GPHN: variants seen among roughly 807,000 people sequenced by gnomAD.
GPHN encodes gephyrin.
Under a neutral mutation model 95.5 loss-of-function variants are expected in GPHN, and 17 were observed. The ratio of observed to expected loss-of-function variants is 0.18; its 90% CI spans 0.12 to 0.27. GPHN has a LOEUF of 0.27. Among genes scored for constraint, GPHN ranks in the 10% least tolerant of loss-of-function variants. GPHN has a pLI of 1.00. For synonymous variants in GPHN, 320 were observed against 322.5 expected (o/e 0.99, Z 0.08); for missense variants, 660 against 978.1 (o/e 0.67, Z 4.34).
At chr14:67,050,367 T>C (rs887533082) in intron 10 of GPHN, among the ~76,000 whole-genome samples, 3 of 152,188 alleles carry the variant, frequency 2.0e-5, no homozygotes, top group Non-Finnish European at 4.4e-5. Flanking sequence ...TGGACTTTGT[T>C]TGAAAGATTT....
At chr14:67,479,883 C>T in the GPHN span, among the ~76,000 whole-genome samples, 940 of 152,156 alleles carry the variant, frequency 6.2e-3, 8 homozygotes, top group African/African-American at 0.022. Context: ...AACAACAAAC[C>T]ATGCCTCACA....
intron 5 of GPHN, among the ~76,000 whole-genome samples, chr14:66,898,670 T>G (rs2064986076): frequency 2.0e-5 from 3 of 151,898 alleles, no homozygotes; most frequent in Non-Finnish European, 2.9e-5. Context: ...ATAGACAGAT[T>G]CCTCCCACTT....
intron 14 of GPHN, among the ~76,000 whole-genome samples, 158 bp from the exon 15 acceptor site, chr14:67,111,703 G>T (rs1184145905): frequency 2.0e-5 from 3 of 152,102 alleles, no homozygotes; most frequent in Non-Finnish European, 4.4e-5. Context: ...AGGAACCTGT[G>T]TTAGAAATTC....
the GPHN span, chr14:67,572,023 C>A: frequency 6.8e-7 from 1 of 1,476,400 alleles, no homozygotes; most frequent in Admixed American, 2.1e-5. Flanking sequence ...GCAGCTCCAC[C>A]CCCAGCCCCA....
intron 5 of GPHN, among the ~76,000 whole-genome samples, chr14:66,909,652 GA>G (rs1230317528): frequency 1.3e-5 from 2 of 151,848 alleles, no homozygotes; most frequent in Non-Finnish European, 2.9e-5. Context: ...GCAATGATTC[GA>G]AGGGAACTTC....
At chr14:67,699,446 G>A in the GPHN span, among the ~76,000 whole-genome samples, 5 of 151,572 alleles carry the variant, frequency 3.3e-5, no homozygotes, top group East Asian at 1.9e-4. Context: ...AATAAAATAG[G>A]CAGTGTACTG....
chr14:67,247,403 G>T, the GPHN span, among the ~76,000 whole-genome samples: 1 of 152,066 alleles, frequency 6.6e-6, no homozygotes, highest in African/African-American at 2.4e-5. Flanking sequence ...AGCTCTAGGA[G>T]CTTTTTTATT....
the GPHN span, chr14:67,691,339 C>A: frequency 2.6e-6 from 2 of 762,576 alleles, no homozygotes; most frequent in Non-Finnish European, 4.5e-6. Context: ...AATGAGGATG[C>A]AGGACTTCAA....
intron 20 of GPHN, among the ~76,000 whole-genome samples, chr14:67,167,383 T>C (rs2082341350): frequency 1.3e-5 from 2 of 151,588 alleles, no homozygotes; most frequent in African/African-American, 4.8e-5. Context: ...TGGGGTTTTT[T>C]TGCTTTTCCA....
At chr14:66,987,574 A>G (rs929708306) in intron 9 of GPHN, among the ~76,000 whole-genome samples, 3 of 152,096 alleles carry the variant, frequency 2.0e-5, no homozygotes, top group Non-Finnish European at 2.9e-5. Context: ...TGAATCAAAA[A>G]GTGTGTTTGG....
At chr14:67,260,839 C>T in the GPHN span, among the ~76,000 whole-genome samples, 5 of 151,978 alleles carry the variant, frequency 3.3e-5, no homozygotes, top group Non-Finnish European at 5.9e-5. Context: ...TTGCAGGGCT[C>T]ATATGGGAAA....
chr14:67,720,714 G>A, the GPHN span: 1 of 152,130 alleles, frequency 6.6e-6, no homozygotes, highest in African/African-American at 2.4e-5. Context: ...GTATGGTTTA[G>A]CATTTTGGTA....
At chr14:67,508,763 A>AAAAAAAAAAAAAAAAAAAAC in the GPHN span, among the ~76,000 whole-genome samples, 1 of 150,536 alleles carries the variant, frequency 6.6e-6, no homozygotes, top group East Asian at 1.9e-4. Context: ...CAAAAAAAAA[A>AAAAAAAAAAAAAAAAAAAAC]AAAAAAAACA....
intron 1 of GPHN, among the ~76,000 whole-genome samples, chr14:66,562,508 C>CAA (rs2060300680): frequency 6.6e-6 from 1 of 151,958 alleles, no homozygotes; most frequent in Non-Finnish European, 1.5e-5. Flanking sequence ...GAAAATGAAA[C>CAA]AAATTTATTA....
the GPHN span, among the ~76,000 whole-genome samples, chr14:67,666,475 T>C: frequency 2.6e-5 from 4 of 152,222 alleles, no homozygotes; most frequent in African/African-American, 9.7e-5. Context: ...ATTTATGAGA[T>C]CCTTTCTGGA....
chr14:66,668,889 T>C (rs1332315555), intron 1 of GPHN, among the ~76,000 whole-genome samples: 3 of 151,780 alleles, frequency 2.0e-5, no homozygotes, highest in Non-Finnish European at 4.4e-5. Flanking sequence ...TTTTTTTTTT[T>C]TCTTTTTTTG....
the GPHN span, chr14:67,541,920 GC>G: frequency 1.2e-6 from 2 of 1,605,708 alleles, no homozygotes; most frequent in Non-Finnish European, 1.7e-6. Flanking sequence ...CAGAAACGCT[GC>G]CTGACCCTGG....
At chr14:66,686,084 C>G (rs1470833596) in intron 2 of GPHN, among the ~76,000 whole-genome samples, 3 of 152,162 alleles carry the variant, frequency 2.0e-5, no homozygotes, top group African/African-American at 7.2e-5. Flanking sequence ...TCTGAGGGCT[C>G]TGTTCTGTTC....
chr14:67,356,038 TGTATAACCTAGACACA>T, the GPHN span, among the ~76,000 whole-genome samples: 4 of 151,992 alleles, frequency 2.6e-5, no homozygotes, highest in South Asian at 4.1e-4. Context: ...ACAATAAGGT[TGTATAACCTAGACACA>T]GTATAACCTA....
Sources: allele counts gnomAD v4.1 joint callset (sites outside exome capture counted in the v4.1 genomes callset), GRCh38; gene constraint gnomAD v4.1.1; transcripts MANE v1.5; gene names NCBI Gene and HGNC (gene_info 2026-07-23, HGNC 2026-07-21).